Variants in COMMD10 observed in about 807,000 individuals in gnomAD.
COMMD10 encodes COMM domain-containing protein 10.
In COMMD10, 33 loss-of-function variants were observed where a neutral mutation model predicts 28.9. The ratio of observed to expected loss-of-function variants is 1.14; its 90% CI spans 0.87 to 1.53. COMMD10 has a LOEUF of 1.53. Ranked by LOEUF, COMMD10 falls within the 40% of genes most tolerant of loss-of-function variation. The pLI, the probability that COMMD10 is intolerant of heterozygous loss-of-function variation, is 0.00. For missense variants in COMMD10, 310 were observed against 233.4 expected (o/e 1.33, Z -2.14); for synonymous variants, 110 against 81.7 (o/e 1.35, Z -1.87).
At chr5:116,152,281 A>G (rs954993469) in intron 5 of COMMD10, among the ~76,000 whole-genome samples, 2 of 151,932 alleles carry the variant, frequency 1.3e-5, no homozygotes, top group Non-Finnish European at 2.9e-5. Flanking sequence ...TTAAATGAAT[A>G]TAGAAGAAGA....
intron 5 of COMMD10, among the ~76,000 whole-genome samples, chr5:116,138,804 T>C (rs754880693): frequency 1.3e-5 from 2 of 151,818 alleles, no homozygotes; most frequent in African/African-American, 2.4e-5. Flanking sequence ...TTCATTCTTA[T>C]TTCCAAAATA....
rs557927399 is a variant in COMMD10 at position 116,171,344 on chromosome 5, G to T, written c.510+37166G>T. On this transcript the variant is annotated intron_variant, in intron 5 of 6. Transcript: ENST00000274458. ...CAGGAAACACCAGATGCTGGAGAGG[G>T]TGTGGAGAAATAGAAATGCTTTTAC... Among the ~76,000 whole-genome samples the T allele has an allele frequency of 6.6e-5, 10 of 152,220 alleles. No individual in the cohort carries two copies. In the East Asian group the frequency reaches 1.9e-3, roughly 29 times the overall value.
chr5:116,197,076 A>C (rs1748543609), intron 5 of COMMD10, among the ~76,000 whole-genome samples: 1 of 148,428 alleles, frequency 6.7e-6, no homozygotes, highest in South Asian at 2.1e-4. Context: ...TGTCCGTTAA[A>C]TATTTAAAAT....
intron 5 of COMMD10, among the ~76,000 whole-genome samples, chr5:116,134,698 G>A (rs1403904634): frequency 6.6e-6 from 1 of 152,122 alleles, no homozygotes; most frequent in African/African-American, 2.4e-5. Flanking sequence ...TCGGCTCACT[G>A]CAGGCTCCGC....
chr5:116,102,814 C>T (rs1047446203), intron 4 of COMMD10, among the ~76,000 whole-genome samples: 3 of 152,076 alleles, frequency 2.0e-5, no homozygotes, highest in African/African-American at 7.2e-5. Context: ...TATCCCTCCA[C>T]CAGCCCCCCA....
chr5:116,193,048 T>C lies in COMMD10; in HGVS notation c.510+58870T>C, dbSNP rs139051878. Among the ~76,000 whole-genome samples the C allele has an allele frequency of 2.0e-3, 303 of 152,320 alleles. 2 individuals carry two copies. The highest frequency in any genetic ancestry group is 6.9e-3 in the African/African-American group (288 of 41,578). Reference sequence around the variant, plus strand: ...AAACAATTATCAGCCAAGAATTTTGTATCCAGCGAAGCTAAGCATCATATA... The same window carrying C: ...AAACAATTATCAGCCAAGAATTTTGCATCCAGCGAAGCTAAGCATCATATA... On this transcript the variant is annotated intron_variant, in intron 5 of 6. Coordinates refer to ENST00000274458, the MANE Select transcript of COMMD10 (RefSeq NM_016144.4).
chr5:116,281,612 A>G (rs2112708645), intron 5 of COMMD10, among the ~76,000 whole-genome samples: 1 of 151,810 alleles, frequency 6.6e-6, no homozygotes. Context: ...ATGTACAAGC[A>G]GAAGAGAGAA....
intron 1 of COMMD10, among the ~76,000 whole-genome samples, 198 bp from the exon 2 acceptor site, chr5:116,087,299 A>G (rs1273117173): frequency 6.6e-6 from 1 of 152,208 alleles, no homozygotes; most frequent in East Asian, 1.9e-4. Context: ...CCTTTTCAGC[A>G]GAAGTAATTT....
chr5:116,191,358 C>A (rs1163585660), intron 5 of COMMD10, among the ~76,000 whole-genome samples: 3 of 151,956 alleles, frequency 2.0e-5, no homozygotes, highest in African/African-American at 7.2e-5. Context: ...AAGAATGAAG[C>A]CCTATTCTTT....
intron 5 of COMMD10, among the ~76,000 whole-genome samples, chr5:116,271,576 C>A (rs1044662730): frequency 6.6e-6 from 1 of 151,556 alleles, no homozygotes; most frequent in African/African-American, 2.4e-5. Context: ...GTTTTTACTC[C>A]TAAGCTACCA....
chr5:116,277,609 G>A (rs1026929580), intron 5 of COMMD10, among the ~76,000 whole-genome samples: 2 of 151,918 alleles, frequency 1.3e-5, no homozygotes, highest in Non-Finnish European at 2.9e-5. Flanking sequence ...CCTGTTGTAT[G>A]ATAAACTCAC....
chr5:116,172,172 T>A (rs755483682), intron 5 of COMMD10, among the ~76,000 whole-genome samples: 1 of 152,098 alleles, frequency 6.6e-6, no homozygotes, highest in Admixed American at 6.6e-5. Context: ...TAAGGAAACA[T>A]CCCATATTGG....
chr5:116,095,244 T>A (rs1185703039), intron 4 of COMMD10, among the ~76,000 whole-genome samples: 3 of 152,180 alleles, frequency 2.0e-5, no homozygotes. Flanking sequence ...CCTGACATGA[T>A]CATTACACAG....
At chr5:116,244,660 C>CAAAAAAAAAAAAAAAAAAAAAAATAA (rs60360733) in intron 5 of COMMD10, among the ~76,000 whole-genome samples, 5 of 79,488 alleles carry the variant, frequency 6.3e-5, no homozygotes, top group East Asian at 3.8e-4. Flanking sequence ...AAAAAAATTA[C>CAAAAAAAAAAAAAAAAAAAAAAATAA]AAAAAAAAAA....
At chr5:116,163,036 C>G (rs1311529812) in intron 5 of COMMD10, among the ~76,000 whole-genome samples, 1 of 151,822 alleles carries the variant, frequency 6.6e-6, no homozygotes, top group Non-Finnish European at 1.5e-5. Flanking sequence ...CTGTGGGGCT[C>G]CTTACCACTT....
At chr5:116,145,318 G>A (rs1282503139) in intron 5 of COMMD10, among the ~76,000 whole-genome samples, 1 of 151,884 alleles carries the variant, frequency 6.6e-6, no homozygotes, top group East Asian at 1.9e-4. Context: ...GGCAGGTTGT[G>A]TAGTTTTCTT....
chr5:116,115,952 A>G (rs1270200924), intron 4 of COMMD10, among the ~76,000 whole-genome samples: 1 of 152,152 alleles, frequency 6.6e-6, no homozygotes, highest in African/African-American at 2.4e-5. Context: ...GGGAGTTTTA[A>G]AATATAAATT....
At chr5:116,209,255 TTAAGTGTAATATTTTCTAC>T (rs775983181) in intron 5 of COMMD10, among the ~76,000 whole-genome samples, 193 of 152,324 alleles carry the variant, frequency 1.3e-3, no homozygotes, top group Non-Finnish European at 7.5e-4. Flanking sequence ...AAACAAGAGA[TTAAGTGTAATATTTTCTAC>T]TTACTGCTTC....
At chr5:116,203,811 A>G (rs897302371) in intron 5 of COMMD10, among the ~76,000 whole-genome samples, 2 of 152,128 alleles carry the variant, frequency 1.3e-5, no homozygotes, top group Non-Finnish European at 2.9e-5. Context: ...GACCATCGAG[A>G]CTAGGAAGAA....
Sources: allele counts gnomAD v4.1 joint callset (sites outside exome capture counted in the v4.1 genomes callset), GRCh38; gene constraint gnomAD v4.1.1; transcripts MANE v1.5; gene names NCBI Gene and HGNC (gene_info 2026-07-23, HGNC 2026-07-21).